DCC: variants seen among roughly 807,000 people sequenced by gnomAD.
DCC encodes the protein netrin receptor DCC.
In DCC, 58 loss-of-function variants were observed where a neutral mutation model predicts 172.5. That is an observed-to-expected ratio of 0.34 (90% confidence interval 0.27 to 0.42). The LOEUF (loss-of-function observed/expected upper bound fraction) is 0.42, where lower values mean the gene tolerates loss of function less well. Ranked by LOEUF, DCC falls within the 10% of genes least tolerant of loss-of-function variation. The pLI is 1.00. For missense variants in DCC, 1,740 were observed against 1,791.0 expected, an observed-to-expected ratio of 0.97 and a Z score of 0.51; for synonymous variants, 709 against 644.5, an observed-to-expected ratio of 1.10 and a Z score of -1.52.
intron 1 of DCC, among the ~76,000 whole-genome samples, chr18:52,685,786 G>T (rs552885436): frequency 6.6e-6 from 1 of 152,216 alleles, no homozygotes; most frequent in Non-Finnish European, 1.5e-5. Context: ...TAAGGTGGAA[G>T]GGATTCAAGG....
rs74178683 is a variant in DCC, at chr18:52,797,010, CT to C, written c.412+44646del. 7.0e-4 allele frequency among the ~76,000 whole-genome samples: 104 copies of C among 148,846 alleles called. No individual in the cohort carries two copies. The South Asian group carries it at 0.013, about 19-fold the overall frequency. ...TCACATAGGCTTTCTTCATTCATTC[CT>C]TTTTTTTTTCTTCTGCCTGCATTAT... is the stretch of plus-strand genomic sequence containing the variant. On this transcript the variant is annotated intron_variant, in intron 2 of 28. Coordinates refer to ENST00000442544, the MANE Select transcript of DCC (RefSeq NM_005215.4).
At chr18:52,904,632 A>G (rs1045545906) in intron 2 of DCC, among the ~76,000 whole-genome samples, 2 of 152,208 alleles carry the variant, frequency 1.3e-5, no homozygotes, top group African/African-American at 2.4e-5. Context: ...TAATGAGACA[A>G]TCAAGCTTTC....
chr18:52,952,848 A>C (rs1357666740), intron 5 of DCC, among the ~76,000 whole-genome samples: 1 of 151,856 alleles, frequency 6.6e-6, no homozygotes, highest in Non-Finnish European at 1.5e-5. Flanking sequence ...ATATTTAAAA[A>C]TTAGCTGAGC....
chr18:53,236,512 G>A (rs1038457605), intron 12 of DCC, among the ~76,000 whole-genome samples: 1 of 152,088 alleles, frequency 6.6e-6, no homozygotes, highest in Non-Finnish European at 1.5e-5. Context: ...ACCTCTGTAA[G>A]TTGGAGGCTT....
intron 1 of DCC, among the ~76,000 whole-genome samples, chr18:52,376,521 A>G (rs1211163633): frequency 6.6e-6 from 1 of 151,258 alleles, no homozygotes; most frequent in Non-Finnish European, 1.5e-5. Flanking sequence ...ATGTGTGTAC[A>G]TGCACATGCA....
At chr18:53,013,333 GT>G (rs2041758555) in intron 5 of DCC, among the ~76,000 whole-genome samples, 1 of 152,040 alleles carries the variant, frequency 6.6e-6, no homozygotes, top group Non-Finnish European at 1.5e-5. Flanking sequence ...TAAAGAAAAT[GT>G]GGCACATATA....
chr18:53,094,298 A>G (rs2043053701), intron 7 of DCC, among the ~76,000 whole-genome samples: 1 of 152,198 alleles, frequency 6.6e-6, no homozygotes, highest in Admixed American at 6.5e-5. Flanking sequence ...GGGAAGAAGG[A>G]CTTTGTAATG....
intron 2 of DCC, among the ~76,000 whole-genome samples, chr18:52,814,707 A>T (rs2038260411): frequency 6.6e-6 from 1 of 152,254 alleles, no homozygotes; most frequent in Admixed American, 6.5e-5. Flanking sequence ...ATTAGAATTC[A>T]TAGGCTATAG....
rs1491397342 is a variant in DCC, at chr18:52,927,076, T to TACGTGTATATATACGTATATAC, written c.985+1706_985+1707insACGTGTATATATACGTATATAC. 5.4e-4 allele frequency among the ~76,000 whole-genome samples: 36 copies of TACGTGTATATATACGTATATAC among 66,536 alleles called. 10 individuals are homozygous for TACGTGTATATATACGTATATAC. Among genetic ancestry groups the TACGTGTATATATACGTATATAC allele is most frequent in the Non-Finnish European group, 1.2e-3 (34 of 28,612 alleles). The allele number at this position is 66,536 out of a possible 152,430, so 43.7% of individuals were successfully genotyped here. ...ATATACACATATATACACACATATA[T>TACGTGTATATATACGTATATAC]GTGTATATACACGTATATACGTGTA... On this transcript the variant is annotated intron_variant, in intron 5 of 28. Transcript: ENST00000442544.
chr18:52,685,538 C>G (rs1402185324), intron 1 of DCC, among the ~76,000 whole-genome samples: 1 of 152,070 alleles, frequency 6.6e-6, no homozygotes, highest in East Asian at 1.9e-4. Context: ...GTAATGCCCT[C>G]TCTCAGGAGT....
intron 7 of DCC, among the ~76,000 whole-genome samples, chr18:53,149,097 G>A (rs1051838417): frequency 1.8e-4 from 28 of 151,644 alleles, no homozygotes; most frequent in Non-Finnish European, 2.1e-4. Flanking sequence ...TCCTGACCTC[G>A]TGATCCACCC....
At chr18:53,085,660 G>A (rs2042867894) in intron 7 of DCC, among the ~76,000 whole-genome samples, 1 of 151,624 alleles carries the variant, frequency 6.6e-6, no homozygotes, top group African/African-American at 2.4e-5. Context: ...CTGTTTACTT[G>A]TGCACATTTT....
chr18:52,598,379 A>G (rs536629256), intron 1 of DCC, among the ~76,000 whole-genome samples: 133 of 152,328 alleles, frequency 8.7e-4, no homozygotes, highest in African/African-American at 3.0e-3. Context: ...CTGAGTCTCA[A>G]AAAAGGAATG....
At chr18:52,539,862 T>C (rs776544725) in intron 1 of DCC, among the ~76,000 whole-genome samples, 5 of 152,182 alleles carry the variant, frequency 3.3e-5, no homozygotes, top group Non-Finnish European at 7.3e-5. Flanking sequence ...ATGATAAATA[T>C]GTATAAATTT....
intron 1 of DCC, among the ~76,000 whole-genome samples, chr18:52,537,862 T>G (rs2032332554): frequency 6.6e-6 from 1 of 152,186 alleles, no homozygotes; most frequent in Admixed American, 6.5e-5. Flanking sequence ...TAAAGTCCTA[T>G]TTTGCCTCTC....
intron 5 of DCC, among the ~76,000 whole-genome samples, chr18:53,030,740 C>T (rs762695413): frequency 2.4e-4 from 37 of 152,078 alleles, no homozygotes; most frequent in Admixed American, 3.9e-4. Flanking sequence ...TATTTTAGAA[C>T]GGAGCACAGT....
intron 27 of DCC, among the ~76,000 whole-genome samples, chr18:53,509,086 G>T (rs2046219183): frequency 6.6e-6 from 1 of 152,264 alleles, no homozygotes; most frequent in Admixed American, 6.5e-5. Context: ...AAAGCTTCTG[G>T]AGTTTCCTAG....
At chr18:53,224,781 A>G (rs1227772262) in intron 12 of DCC, among the ~76,000 whole-genome samples, 1 of 152,202 alleles carries the variant, frequency 6.6e-6, no homozygotes, top group Admixed American at 6.6e-5. Flanking sequence ...TTAATGAGAT[A>G]AGATTTGGTT....
At chr18:52,864,096 T>C (rs905166525) in intron 2 of DCC, among the ~76,000 whole-genome samples, 16 of 152,208 alleles carry the variant, frequency 1.1e-4, no homozygotes, top group African/African-American at 3.4e-4. Flanking sequence ...AAAGATCTTA[T>C]AGCTTTAATT....
Sources: gnomAD v4.1 joint callset for allele counts (sites outside exome capture counted in the v4.1 genomes callset) on GRCh38, gnomAD v4.1.1 for gene constraint, MANE v1.5 for transcripts, NCBI Gene and HGNC (gene_info 2026-07-23, HGNC 2026-07-21) for gene names.